ESR1: variants seen among roughly 807,000 people sequenced by gnomAD.
The protein encoded by ESR1 is estrogen receptor.
A neutral mutation model predicts 52.7 loss-of-function variants in ESR1; 12 were observed. The ratio of observed to expected loss-of-function variants is 0.23; its 90% CI spans 0.15 to 0.37. The LOEUF (loss-of-function observed/expected upper bound fraction) is 0.37. ESR1 is among the 10% of genes least tolerant of loss of function. The probability of loss-of-function intolerance (pLI) is 1.00; values close to 1 mark genes in which losing one functional copy is unlikely to be tolerated. For synonymous variants in ESR1, 305 were observed against 316.8 expected, an observed-to-expected ratio of 0.96 and a Z score of 0.39; for missense variants, 584 against 779.7, an observed-to-expected ratio of 0.75 and a Z score of 2.99.
At chr6:151,923,610 C>T (rs879762701) in intron 3 of ESR1, among the ~76,000 whole-genome samples, 2 of 152,178 alleles carry the variant, frequency 1.3e-5, no homozygotes, top group Non-Finnish European at 2.9e-5. Flanking sequence ...GCTACTTTCA[C>T]TTAGCAATAT....
intron 2 of ESR1, among the ~76,000 whole-genome samples, chr6:151,859,250 A>G (rs1438271854): frequency 6.6e-6 from 1 of 152,262 alleles, no homozygotes; most frequent in Non-Finnish European, 1.5e-5. Context: ...AGCTAATAAA[A>G]ATGGTTATTA....
At chr6:152,103,980 CTTTTTT>C (rs369261779), downstream of ESR1, among the ~76,000 whole-genome samples, 11 of 93,884 alleles carry the variant, frequency 1.2e-4, no homozygotes, top group African/African-American at 1.3e-4. Context: ...TTCATTCTAC[CTTTTTT>C]TTTTTTTTTT....
chr6:151,769,389 A>G (rs1785323336), intron 2 of ESR1, among the ~76,000 whole-genome samples: 2 of 152,170 alleles, frequency 1.3e-5, no homozygotes, highest in South Asian at 4.1e-4. Flanking sequence ...TATTAAACTT[A>G]TTCTAATTCT....
intron 1 of ESR1, among the ~76,000 whole-genome samples, chr6:151,824,430 C>G (rs1781118966): frequency 6.6e-6 from 1 of 152,084 alleles, no homozygotes; most frequent in South Asian, 2.1e-4. Context: ...GTTGCCTGTT[C>G]ACTCTGACGG....
chr6:151,967,315 T>G (rs2038384282), intron 4 of ESR1, among the ~76,000 whole-genome samples: 1 of 152,156 alleles, frequency 6.6e-6, no homozygotes, highest in Non-Finnish European at 1.5e-5. Context: ...GTATTTCTCC[T>G]AAATGCTATC....
intron 5 of ESR1, among the ~76,000 whole-genome samples, chr6:152,041,000 A>G (rs569936162): frequency 1.4e-4 from 22 of 152,320 alleles, no homozygotes; most frequent in African/African-American, 5.1e-4. Flanking sequence ...GATGGGTCAA[A>G]AAGCATCTAG....
At chr6:151,826,081 G>C (rs565778982) in intron 1 of ESR1, among the ~76,000 whole-genome samples, 1 of 152,126 alleles carries the variant, frequency 6.6e-6, no homozygotes, top group South Asian at 2.1e-4. Flanking sequence ...GCGGGGAGGG[G>C]GGTGGCGGGG....
intron 2 of ESR1, among the ~76,000 whole-genome samples, chr6:151,850,349 A>G (rs995463005): frequency 2.0e-5 from 3 of 150,348 alleles, no homozygotes; most frequent in African/African-American, 7.3e-5. Flanking sequence ...GAAAATTTGG[A>G]CACAAACACA....
At chr6:151,965,698 C>A (rs1361724953) in intron 4 of ESR1, among the ~76,000 whole-genome samples, 1 of 151,982 alleles carries the variant, frequency 6.6e-6, no homozygotes, top group Non-Finnish European at 1.5e-5. Context: ...GACTTATCAA[C>A]TTTGGACATA....
At chr6:152,114,471 GCCATGAAACCAA>G (rs1292205321) in intron 6 of ESR1, among the ~76,000 whole-genome samples, 1 of 152,130 alleles carries the variant, frequency 6.6e-6, no homozygotes, top group Non-Finnish European at 1.5e-5. Context: ...TTGCTCTTAT[GCCATGAAACCAA>G]CCATGCATTT....
chr6:151,778,394 T>C (rs917108968), intron 2 of ESR1, among the ~76,000 whole-genome samples: 17 of 149,054 alleles, frequency 1.1e-4, no homozygotes, highest in Non-Finnish European at 1.9e-4. Flanking sequence ...TTTTATGTTA[T>C]GTATATTTAC....
intron 6 of ESR1, among the ~76,000 whole-genome samples, chr6:152,113,312 A>G (rs562047683): frequency 6.6e-6 from 1 of 152,252 alleles, no homozygotes; most frequent in East Asian, 1.9e-4. Context: ...GTCAGGCACC[A>G]TCAAGCCACA....
intron 5 of ESR1, among the ~76,000 whole-genome samples, chr6:152,036,084 C>A (rs1190661335): frequency 6.7e-6 from 1 of 150,054 alleles, no homozygotes; most frequent in African/African-American, 2.5e-5. Context: ...AATTAAAAAA[C>A]CAGGGCCAGG....
chr6:152,121,334 T>C (rs1232965100), intron 6 of ESR1, among the ~76,000 whole-genome samples: 1 of 152,164 alleles, frequency 6.6e-6, no homozygotes, highest in Non-Finnish European at 1.5e-5. Flanking sequence ...TTAAGAAGAT[T>C]TCTGTGGCTG....
intron 5 of ESR1, among the ~76,000 whole-genome samples, chr6:152,039,168 T>C (rs2045579274): frequency 6.6e-6 from 1 of 152,234 alleles, no homozygotes; most frequent in Admixed American, 6.5e-5. Context: ...CTCTAGCAAG[T>C]ACCTCAGCAG....
chr6:151,749,969 T>C (rs1486283056), intron 2 of ESR1, among the ~76,000 whole-genome samples: 1 of 152,196 alleles, frequency 6.6e-6, no homozygotes, highest in Non-Finnish European at 1.5e-5. Flanking sequence ...TGAAATACAA[T>C]TTATGTAAGG....
At chr6:151,760,276 T>C (rs1317278334) in intron 2 of ESR1, among the ~76,000 whole-genome samples, 1 of 152,142 alleles carries the variant, frequency 6.6e-6, no homozygotes, top group African/African-American at 2.4e-5. Context: ...GGTCCAGAGG[T>C]AGAACTCATT....
intron 2 of ESR1, among the ~76,000 whole-genome samples, chr6:151,880,104 T>G (rs1209047222): frequency 6.6e-6 from 1 of 151,636 alleles, no homozygotes; most frequent in Admixed American, 6.6e-5. Context: ...CTGTGTGAAC[T>G]GAAGGTGACT....
At chr6:152,059,482 A>G (rs76055911) in intron 5 of ESR1, among the ~76,000 whole-genome samples, 11,681 of 152,114 alleles carry the variant, frequency 0.077, 920 homozygotes, top group African/African-American at 0.2. Flanking sequence ...AATTAAAAAT[A>G]CATATGACAA....
Sources: allele counts gnomAD v4.1 joint callset (sites outside exome capture counted in the v4.1 genomes callset), GRCh38; gene constraint gnomAD v4.1.1; transcripts MANE v1.5; gene names NCBI Gene and HGNC (gene_info 2026-07-23, HGNC 2026-07-21).